Variants in ZNF254 observed in about 807,000 individuals in gnomAD.
The protein encoded by ZNF254 is zinc finger protein 254.
A neutral mutation model predicts 12.4 loss-of-function variants in ZNF254; 10 were observed. The ratio of observed to expected loss-of-function variants is 0.80; its 90% CI spans 0.50 to 1.36. The LOEUF is 1.36. ZNF254 is among the 40% of genes most tolerant of loss of function. The pLI is 0.00. For missense variants in ZNF254, 996 were observed against 763.9 expected, an observed-to-expected ratio of 1.30 and a Z score of -3.58; for synonymous variants, 305 against 253.4, an observed-to-expected ratio of 1.20 and a Z score of -1.93.
chr19:24,102,114 A>G (rs1973065729), intron 1 of ZNF254, among the ~76,000 whole-genome samples: 1 of 152,196 alleles, frequency 6.6e-6, no homozygotes, highest in South Asian at 2.1e-4. Context: ...ATTATGCATC[A>G]TATGGTGGGT....
chr19:24,053,856 A>G (rs1390568323), intron 2 of ZNF254, among the ~76,000 whole-genome samples: 1 of 152,192 alleles, frequency 6.6e-6, no homozygotes, highest in Non-Finnish European at 1.5e-5. Flanking sequence ...TGGACCCAGC[A>G]TCTAGGTGAT....
At chr19:24,041,190 C>T (rs534054825) in intron 1 of ZNF254, among the ~76,000 whole-genome samples, 2 of 152,382 alleles carry the variant, frequency 1.3e-5, no homozygotes, top group East Asian at 1.9e-4. Flanking sequence ...CGGCACCTCC[C>T]CTGCCTGGGC....
At chr19:24,076,842 A>T (rs867752116) in intron 2 of ZNF254, among the ~76,000 whole-genome samples, 1 of 152,186 alleles carries the variant, frequency 6.6e-6, no homozygotes, top group Non-Finnish European at 1.5e-5. Context: ...AAATCTCCTG[A>T]TGCCAAAATT....
intron 3 of ZNF254, among the ~76,000 whole-genome samples, chr19:24,119,965 T>G (rs1974367871): frequency 6.6e-6 from 1 of 152,106 alleles, no homozygotes; most frequent in Non-Finnish European, 1.5e-5. Flanking sequence ...TCTATAAATA[T>G]TATCTTCATA....
intron 3 of ZNF254, among the ~76,000 whole-genome samples, chr19:24,122,336 TGCCTCA>T (rs1805226285): frequency 6.6e-6 from 1 of 152,136 alleles, no homozygotes; most frequent in South Asian, 2.1e-4. Context: ...TTGATTCTCA[TGCCTCA>T]GCCTCCTTAG....
upstream of ZNF254, among the ~76,000 whole-genome samples, chr19:24,082,213 TCTC>T (rs1488435875): frequency 3.3e-5 from 5 of 151,736 alleles, no homozygotes; most frequent in African/African-American, 7.3e-5. Flanking sequence ...GCAGAGCACA[TCTC>T]CTCATAGGTA....
intron 1 of ZNF254, among the ~76,000 whole-genome samples, chr19:24,099,680 C>A (rs1012643007): frequency 1.3e-5 from 2 of 152,124 alleles, no homozygotes; most frequent in Non-Finnish European, 2.9e-5. Context: ...GATGGCCTCC[C>A]CAATGACCAG....
At chr19:24,117,151 G>A (rs1197620064) in intron 3 of ZNF254, among the ~76,000 whole-genome samples, 4 of 152,176 alleles carry the variant, frequency 2.6e-5, no homozygotes, top group African/African-American at 9.7e-5. Flanking sequence ...AGGGGTCCGG[G>A]ACCCACTTGA....
At chr19:24,120,898 C>T (rs1187066440) in intron 3 of ZNF254, among the ~76,000 whole-genome samples, 1 of 152,034 alleles carries the variant, frequency 6.6e-6, no homozygotes, top group African/African-American at 2.4e-5. Flanking sequence ...GTCTCAATCT[C>T]CTGACCTCCC....
At chr19:24,051,244 G>T (rs567932356) in intron 2 of ZNF254, among the ~76,000 whole-genome samples, 6 of 152,086 alleles carry the variant, frequency 3.9e-5, no homozygotes, top group African/African-American at 1.2e-4. Flanking sequence ...TGCAACTTCC[G>T]CCTCCTGGGT....
intron 1 of ZNF254, among the ~76,000 whole-genome samples, chr19:24,089,423 C>A (rs1471289299): frequency 6.6e-6 from 1 of 151,926 alleles, no homozygotes; most frequent in Admixed American, 6.6e-5. Flanking sequence ...CTTCTATCTT[C>A]CCTAGTCACA....
chr19:24,106,436 A>G (rs1026311153), intron 2 of ZNF254, 112 bp from the exon 3 acceptor site: 10 of 807,182 alleles, frequency 1.2e-5, no homozygotes, highest in Admixed American at 3.0e-5. Context: ...AAATTAGTGT[A>G]TTAGAATAAC....
intron 2 of ZNF254, among the ~76,000 whole-genome samples, chr19:24,065,065 CAT>C (rs1216600336): frequency 6.6e-6 from 1 of 152,146 alleles, no homozygotes; most frequent in Non-Finnish European, 1.5e-5. Flanking sequence ...GTTATTGTGA[CAT>C]ATCACTGAAA....
intron 3 of ZNF254, among the ~76,000 whole-genome samples, chr19:24,124,372 GT>G (rs1158110417): frequency 2.0e-5 from 3 of 151,942 alleles, no homozygotes; most frequent in African/African-American, 7.2e-5. Flanking sequence ...AATTAAAAAT[GT>G]TTTCTGCACC....
intron 2 of ZNF254, among the ~76,000 whole-genome samples, chr19:24,055,867 C>T (rs1970833597): frequency 6.6e-6 from 1 of 152,178 alleles, no homozygotes; most frequent in South Asian, 2.1e-4. Context: ...TGTTCTTAGA[C>T]ACAACATATA....
chr19:24,103,916 GGT>G (rs1973179593), intron 1 of ZNF254: 1 of 152,230 alleles, frequency 6.6e-6, no homozygotes, highest in Admixed American at 6.6e-5. Flanking sequence ...GTAGAGGTGG[GGT>G]TTCACTCTGT....
chr19:24,095,016 G>A (rs771139627), intron 1 of ZNF254, among the ~76,000 whole-genome samples: 1 of 152,164 alleles, frequency 6.6e-6, no homozygotes, highest in Non-Finnish European at 1.5e-5. Context: ...TCAGTATGTT[G>A]GCTGATGGTT....
intron 1 of ZNF254, among the ~76,000 whole-genome samples, chr19:24,089,559 C>T (rs1250367188): frequency 6.6e-6 from 1 of 152,058 alleles, no homozygotes; most frequent in Admixed American, 6.6e-5. Context: ...AACGAAGATA[C>T]CCACCATGGC....
intron 1 of ZNF254, chr19:24,033,765 G>T: frequency 4.9e-6 from 1 of 204,766 alleles, no homozygotes; most frequent in South Asian, 5.3e-5. Context: ...GCAAGATGGC[G>T]GCTGGGCCCG....
Sources: gnomAD v4.1 joint callset for allele counts (sites outside exome capture counted in the v4.1 genomes callset) on GRCh38, gnomAD v4.1.1 for gene constraint, MANE v1.5 for transcripts, NCBI Gene and HGNC (gene_info 2026-07-23, HGNC 2026-07-21) for gene names.